Variants in HAO1 observed in about 807,000 individuals in gnomAD.
HAO1 encodes the protein 2-Hydroxyacid oxidase 1.
HAO1 carries 34 observed loss-of-function variants against 39.7 expected under a neutral mutation model. The ratio of observed to expected loss-of-function variants is 0.86; its 90% CI spans 0.65 to 1.14. The LOEUF (loss-of-function observed/expected upper bound fraction) is 1.14, where lower values mean the gene tolerates loss of function less well. Among genes scored for constraint, HAO1 ranks in the 50% most tolerant of loss-of-function variants. The pLI, the probability that HAO1 is intolerant of heterozygous loss-of-function variation, is 0.00. For missense variants in HAO1, 479 were observed against 464.5 expected, an observed-to-expected ratio of 1.03 and a Z score of -0.29; for synonymous variants, 172 against 173.2, an observed-to-expected ratio of 0.99 and a Z score of 0.05.
chr20:7,884,351 A>G (rs2122744079), intron 7 of HAO1, among the ~76,000 whole-genome samples: 1 of 152,352 alleles, frequency 6.6e-6, no homozygotes, highest in South Asian at 2.1e-4. Context: ...TATATAATGC[A>G]TATAATTTTA....
At chr20:7,920,904 T>C (rs1310980647) in intron 2 of HAO1, among the ~76,000 whole-genome samples, 1 of 152,186 alleles carries the variant, frequency 6.6e-6, no homozygotes, top group Non-Finnish European at 1.5e-5. Flanking sequence ...GTAGAATTTC[T>C]GGATCATATG....
At chr20:7,913,659 G>C (rs1247072427) in intron 3 of HAO1, among the ~76,000 whole-genome samples, 1 of 152,200 alleles carries the variant, frequency 6.6e-6, no homozygotes, top group Admixed American at 6.5e-5. Context: ...TTGAGTGAAT[G>C]AATCAATGAA....
intron 5 of HAO1, among the ~76,000 whole-genome samples, chr20:7,892,976 C>A (rs754908664): frequency 6.6e-6 from 1 of 151,776 alleles, no homozygotes; most frequent in Non-Finnish European, 1.5e-5. Flanking sequence ...CAGTTCAGGC[C>A]CTCCTTCTCT....
chr20:7,916,679 A>T (rs1028310), intron 2 of HAO1, among the ~76,000 whole-genome samples: 81,504 of 152,102 alleles, frequency 0.54, 24,185 homozygotes, highest in East Asian at 0.99. Flanking sequence ...AGTTCAAATG[A>T]AATAAAATGT....
chr20:7,932,847 G>A (rs1472418951), intron 2 of HAO1, among the ~76,000 whole-genome samples: 2 of 151,746 alleles, frequency 1.3e-5, no homozygotes, highest in Non-Finnish European at 2.9e-5. Flanking sequence ...TATTTCCTTG[G>A]AATTCCTAGA....
At chr20:7,913,806 A>G (rs900391734) in intron 3 of HAO1, among the ~76,000 whole-genome samples, 5 of 152,202 alleles carry the variant, frequency 3.3e-5, no homozygotes, top group Non-Finnish European at 7.3e-5. Flanking sequence ...TGTCCCATGT[A>G]CCATTAAAAA....
intron 1 of HAO1, among the ~76,000 whole-genome samples, chr20:7,936,882 A>C (rs1379077800): frequency 6.6e-6 from 1 of 152,116 alleles, no homozygotes; most frequent in Non-Finnish European, 1.5e-5. Context: ...CAGATAGCTC[A>C]CTAGCTTTCC....
intron 2 of HAO1, among the ~76,000 whole-genome samples, chr20:7,930,888 A>G (rs1470946744): frequency 2.0e-5 from 3 of 152,202 alleles, no homozygotes; most frequent in Non-Finnish European, 1.5e-5. Context: ...ATACATGCAG[A>G]GCACAAGCAC....
chr20:7,913,353 T>C (rs980321728), intron 3 of HAO1, among the ~76,000 whole-genome samples: 23 of 152,116 alleles, frequency 1.5e-4, no homozygotes, highest in African/African-American at 5.1e-4. Flanking sequence ...AAAATACTTA[T>C]AGGCCTGAGG....
At chr20:7,916,955 A>G (rs987586291) in intron 2 of HAO1, among the ~76,000 whole-genome samples, 13 of 152,216 alleles carry the variant, frequency 8.5e-5, no homozygotes, top group Non-Finnish European at 1.5e-4. Context: ...TGTGGAAAAT[A>G]AATTCAGGTC....
At chr20:7,884,469 A>G (rs1263795487) in intron 7 of HAO1, among the ~76,000 whole-genome samples, 1 of 152,248 alleles carries the variant, frequency 6.6e-6, no homozygotes, top group Non-Finnish European at 1.5e-5. Flanking sequence ...GGTGGAGGAT[A>G]AACTGCTATT....
At chr20:7,904,425 C>A (rs892803514) in intron 4 of HAO1, among the ~76,000 whole-genome samples, 36 of 152,334 alleles carry the variant, frequency 2.4e-4, no homozygotes, top group African/African-American at 8.2e-4. Context: ...ACTTTAAAGT[C>A]TAAATTCTCT....
At position 7,920,100 on chromosome 20, in the gene HAO1, T is replaced by C. The variant is rs535300056; in HGVS notation, c.290-5681A>G. Among the ~76,000 whole-genome samples, 35 of 152,238 alleles carry C rather than the reference T, an allele frequency of 2.3e-4. No individual in the cohort carries two copies. In the South Asian group the frequency reaches 6.0e-3, roughly 26 times the overall value. ...TCAAGGCAGGGAACTGTAATCCCCA[T>C]GTGTTGAGGGAAAGAGGTGATTGGA... is the stretch of plus-strand genomic sequence containing the variant. On this transcript the variant is annotated intron_variant, in intron 2 of 7. Coordinates refer to ENST00000378789, the MANE Select transcript of HAO1 (RefSeq NM_017545.3).
chr20:7,902,694 C>A (rs576685494), intron 4 of HAO1, among the ~76,000 whole-genome samples: 39 of 151,912 alleles, frequency 2.6e-4, no homozygotes, highest in Middle Eastern at 3.2e-3. Flanking sequence ...AGTGAGACAG[C>A]CTAATTTAAA....
At chr20:7,934,923 A>G (rs6140465) in intron 1 of HAO1, among the ~76,000 whole-genome samples, 1 of 152,216 alleles carries the variant, frequency 6.6e-6, no homozygotes, top group East Asian at 1.9e-4. Context: ...TGACAAATGC[A>G]TACAGTGGTG....
chr20:7,924,036 G>A (rs1302455570), intron 2 of HAO1, among the ~76,000 whole-genome samples: 1 of 152,096 alleles, frequency 6.6e-6, no homozygotes, highest in African/African-American at 2.4e-5. Flanking sequence ...CTTCTAGCCT[G>A]GCACCCTCTG....
chr20:7,894,131 C>A (rs2050186104), intron 5 of HAO1, among the ~76,000 whole-genome samples: 1 of 152,176 alleles, frequency 6.6e-6, no homozygotes, highest in Non-Finnish European at 1.5e-5. Context: ...TAGCACCCCA[C>A]CAACGGCCCC....
chr20:7,902,319 C>T (rs1337191811), intron 4 of HAO1, among the ~76,000 whole-genome samples: 2 of 152,184 alleles, frequency 1.3e-5, no homozygotes, highest in African/African-American at 2.4e-5. Flanking sequence ...GAAGTTACCA[C>T]AGCCACCTTA....
chr20:7,890,724 A>G (rs1433946679), intron 5 of HAO1, among the ~76,000 whole-genome samples: 3 of 151,824 alleles, frequency 2.0e-5, no homozygotes, highest in African/African-American at 7.3e-5. Context: ...CAAGTCCCCA[A>G]TGTCCATTGT....
Sources: allele counts gnomAD v4.1 joint callset (sites outside exome capture counted in the v4.1 genomes callset), GRCh38; gene constraint gnomAD v4.1.1; transcripts MANE v1.5; gene names NCBI Gene and HGNC (gene_info 2026-07-23, HGNC 2026-07-21).